The following TLE3 variants were observed in gnomAD, a reference collection of about 807,000 sequenced individuals.
TLE3 encodes TLE family member 3, transcriptional corepressor, also known as transducin-like enhancer protein 3.
TLE3 carries 14 observed loss-of-function variants against 93.0 expected under a neutral mutation model. That is an observed-to-expected ratio of 0.15 (90% CI 0.10 to 0.24). The LOEUF is 0.24. Among genes scored for constraint, TLE3 ranks in the 10% least tolerant of loss-of-function variants. TLE3 has a pLI of 1.00. For synonymous variants in TLE3, 451 were observed against 425.0 expected, an observed-to-expected ratio of 1.06 and a Z score of -0.75; for missense variants, 693 against 1,046.6, an observed-to-expected ratio of 0.66 and a Z score of 4.66.
At chr15:70,084,421 C>T (rs2057945883) in intron 4 of TLE3, among the ~76,000 whole-genome samples, 1 of 152,198 alleles carries the variant, frequency 6.6e-6, no homozygotes, top group South Asian at 2.1e-4. Context: ...GTAAACAGCG[C>T]CCAGGGTGGC....
chr15:70,085,193 G>A (rs190824440), intron 4 of TLE3, among the ~76,000 whole-genome samples: 55 of 152,320 alleles, frequency 3.6e-4, no homozygotes, highest in Middle Eastern at 3.4e-3. Context: ...GCAAACTGAA[G>A]ATCACAGAGG....
chr15:70,074,752 G>A (rs550336502), intron 5 of TLE3, 145 bp from the exon 6 acceptor site: 1 of 546,454 alleles, frequency 1.8e-6, no homozygotes, highest in South Asian at 2.7e-5. Context: ...CAAGTAGGGG[G>A]GAGGGTGACA....
chr15:70,073,094 G>A (rs1009968022), intron 6 of TLE3, among the ~76,000 whole-genome samples: 1 of 152,196 alleles, frequency 6.6e-6, no homozygotes, highest in South Asian at 2.1e-4. Context: ...CAAACCCACT[G>A]TGCTGCCTTC....
chr15:70,093,101 T>TGA, intron 4 of TLE3, among the ~76,000 whole-genome samples: 1 of 152,350 alleles, frequency 6.6e-6, no homozygotes, highest in South Asian at 2.1e-4. Flanking sequence ...GTCTCTATTC[T>TGA]ATTTTTCCAA....
At chr15:70,078,278 G>A (rs1186043462) in intron 4 of TLE3, among the ~76,000 whole-genome samples, 1 of 152,174 alleles carries the variant, frequency 6.6e-6, no homozygotes, top group African/African-American at 2.4e-5. Context: ...GATAGGGCAG[G>A]AGTTCTAGAA....
chr15:70,083,024 G>A (rs1408843812), intron 4 of TLE3, among the ~76,000 whole-genome samples: 1 of 152,184 alleles, frequency 6.6e-6, no homozygotes, highest in Non-Finnish European at 1.5e-5. Context: ...CCAGAAACAG[G>A]TAGCAACATA....
chr15:70,059,377 C>G, intron 10 of TLE3, 33 bp downstream of exon 10: 1 of 1,597,528 alleles, frequency 6.3e-7, no homozygotes, highest in South Asian at 1.1e-5. Context: ...CATGCCAAAC[C>G]AAGAGCCCCC....
Position 70,090,252 on chromosome 15 carries a change from G to A in TLE3, c.234+4280C>T, listed in dbSNP as rs1221702573. On this transcript the variant is annotated intron_variant, in intron 4 of 19. Transcript: ENST00000451782. ...CGTGATTACAGTCTGTTCCAGGGAA[G>A]ATCAATATAGCAGGAAAAGTCAAGA... Among the ~76,000 whole-genome samples, 12 of 145,328 alleles carry A rather than the reference G, an allele frequency of 8.3e-5. No homozygotes were observed. In the East Asian group the frequency reaches 2.8e-3, roughly 33 times the overall value.
chr15:70,097,427 C>T lies in TLE3; in HGVS notation c.-629G>A. 1 of 412,966 alleles carries T rather than the reference C, an allele frequency of 2.4e-6. No homozygotes were observed. The highest frequency in any genetic ancestry group is 4.3e-6 in the Non-Finnish European group (1 of 235,052). 25.6% of individuals were successfully genotyped at this position (412,966 alleles called of 1,614,324 possible). A position where few individuals can be genotyped will look rare whatever the true frequency, so the allele number is the denominator to read the frequency against. ...CGACGCCCCCCCTCGGAGAGGAGAG[C>T]CTGCTGTTCCGTCTGCTACTGCCGC... On this transcript the variant is annotated 5_prime_UTR_variant, in exon 1 of 20. Transcript: ENST00000451782.
chr15:70,094,558 C>A lies in TLE3; in HGVS notation c.208G>T (p.Gly70Cys). The change falls in exon 4 of 20, where the codon GGC becomes TGC. Residue 70 changes from glycine (G) to cysteine (C), a missense_variant. Gly to Cys is a radical substitution (Grantham distance 159, BLOSUM62 -3). Around this residue, in one of 4 missense-constraint regions of TLE3, gnomAD observed 104 missense variants for 173.8 expected, o/e 0.60. Transcript: ENST00000451782. ...TGCTTGTGCATTTCAATGTTCAAGC[C>A]ATAGGACATCTCATAGTACTAAAAG... is the stretch of plus-strand genomic sequence containing the variant. ...HYVMYYEMSY[G>C]LNIEMHKQTE... 6.4e-7 allele frequency: 1 copy of A among 1,558,244 alleles called. No homozygotes were observed. The highest frequency in any genetic ancestry group is 1.9e-5 in the Admixed American group (1 of 51,638).
intron 4 of TLE3, among the ~76,000 whole-genome samples, chr15:70,078,381 A>G (rs144830480): frequency 4.0e-5 from 6 of 151,764 alleles, no homozygotes; most frequent in Middle Eastern, 6.8e-3. Flanking sequence ...AAAGATATGT[A>G]AAAAACAAAA....
chr15:70,057,468 G>A lies in TLE3; in HGVS notation c.1242C>T (p.Ser414=). The A allele has an allele frequency of 1.2e-6, 2 of 1,601,990 alleles. No individual in the cohort carries two copies. Among genetic ancestry groups the A allele is most frequent in the Non-Finnish European group, 8.5e-7 (1 of 1,174,464 alleles). The change falls in exon 13 of 20, where the codon AGC becomes AGT. Residue 414 remains serine, a synonymous_variant. Transcript: ENST00000451782. The stretch of plus-strand genomic sequence containing the variant: ...CAAAAGGTCTACGTACAGCTCCAAA[G>A]CTCACCATTGGCGATCGGCCATAGG... ...AAAYGRSPMV[S]FGAVGFDPHP... is the part of the protein sequence containing the mutation.
intron 13 of TLE3, 48 bp downstream of exon 13, chr15:70,057,411 C>T: frequency 6.5e-7 from 1 of 1,536,614 alleles, no homozygotes; most frequent in African/African-American, 1.4e-5. Context: ...CCACTGGCTC[C>T]CCACACCACG....
At chr15:70,096,640 C>G in intron 1 of TLE3, 135 bp downstream of exon 1, 1 of 1,549,332 alleles carries the variant, frequency 6.5e-7, no homozygotes, top group African/African-American at 1.4e-5. Context: ...CGGCCGCATC[C>G]CCCTTTGTGT....
intron 6 of TLE3, among the ~76,000 whole-genome samples, chr15:70,073,901 G>T (rs2057309404): frequency 6.6e-6 from 1 of 152,264 alleles, no homozygotes. Flanking sequence ...GTCCGGAAGT[G>T]GGCCTCACAG....
intron 4 of TLE3, among the ~76,000 whole-genome samples, chr15:70,088,972 C>T (rs375682133): frequency 2.1e-4 from 31 of 150,278 alleles, no homozygotes; most frequent in East Asian, 1.4e-3. Context: ...GGGTGGGGAG[C>T]CGCGACTGCA....
intron 2 of TLE3, 179 bp downstream of exon 2, chr15:70,095,982 G>A (rs1022777891): frequency 1.3e-6 from 1 of 787,912 alleles, no homozygotes; most frequent in Non-Finnish European, 2.0e-6. Flanking sequence ...GAGCCGGGCT[G>A]CTGCGGGCAG....
At chr15:70,069,765 T>C (rs1375800769) in intron 6 of TLE3, among the ~76,000 whole-genome samples, 2 of 152,068 alleles carry the variant, frequency 1.3e-5, no homozygotes, top group Non-Finnish European at 2.9e-5. Context: ...CAACAGAGAG[T>C]GAAACGAAGA....
rs1363789447 is a variant in TLE3, at chr15:70,057,619, T to TAGG, written c.1088_1090dup (p.Ser363dup). 6.3e-7 allele frequency: 1 copy of TAGG among 1,588,304 alleles called. No individual in the cohort carries two copies. Among genetic ancestry groups the TAGG allele is most frequent in the Admixed American group, 1.8e-5 (1 of 56,314 alleles). Reference sequence around the variant, plus strand: ...GCTCATCATGGCGAAGGGCGCCGCATAGGAGCTGGTGATGGAGATGGGCGT... The same window carrying TAGG: ...GCTCATCATGGCGAAGGGCGCCGCATAGGAGGAGCTGGTGATGGAGATGGGCGT... On this transcript the variant is annotated inframe_insertion, in exon 13 of 20. Transcript: ENST00000451782.
Sources: allele counts gnomAD v4.1 joint callset (sites outside exome capture counted in the v4.1 genomes callset), GRCh38; gene constraint gnomAD v4.1.1; regional missense constraint gnomAD v4.1.1; transcripts MANE v1.5; gene names NCBI Gene and HGNC (gene_info 2026-07-23, HGNC 2026-07-21).